Variants in PPP1R21 observed in about 807,000 individuals in gnomAD.
PPP1R21 encodes the protein protein phosphatase 1 regulatory subunit 21.
In PPP1R21, 85 loss-of-function variants were observed where a neutral mutation model predicts 112.8. The observed-to-expected ratio is 0.75, with a 90% CI of 0.63 to 0.90. PPP1R21 has a LOEUF of 0.90. Ranked by LOEUF, PPP1R21 falls within the 40% of genes least tolerant of loss-of-function variation. The pLI is 0.00. For synonymous variants in PPP1R21, 381 were observed against 322.3 expected, an observed-to-expected ratio of 1.18 and a Z score of -1.95; for missense variants, 1,199 against 901.5, an observed-to-expected ratio of 1.33 and a Z score of -4.23.
intron 12 of PPP1R21, among the ~76,000 whole-genome samples, chr2:48,476,031 T>C (rs1184870909): frequency 6.6e-6 from 1 of 152,182 alleles, no homozygotes; most frequent in Non-Finnish European, 1.5e-5. Context: ...GGAATGTGCA[T>C]TGTCACTACA....
At chr2:48,469,299 GTATATA>G (rs1383375942) in intron 9 of PPP1R21, among the ~76,000 whole-genome samples, 1 of 67,998 alleles carries the variant, frequency 1.5e-5, no homozygotes, top group African/African-American at 5.4e-5. Flanking sequence ...GTGTGTGTAT[GTATATA>G]TATACACACA....
chr2:48,479,061 C>T (rs1467485456), intron 12 of PPP1R21, among the ~76,000 whole-genome samples: 1 of 152,170 alleles, frequency 6.6e-6, no homozygotes, highest in Non-Finnish European at 1.5e-5. Context: ...GGTGGAACTC[C>T]TGTTGATGAG....
chr2:48,452,877 C>T (rs1202949422), intron 2 of PPP1R21, among the ~76,000 whole-genome samples: 1 of 151,860 alleles, frequency 6.6e-6, no homozygotes, highest in African/African-American at 2.4e-5. Flanking sequence ...TTGTTCTATC[C>T]CTCTAGCACT....
At chr2:48,445,794 CT>C (rs141690991) in intron 1 of PPP1R21, among the ~76,000 whole-genome samples, 2,599 of 152,290 alleles carry the variant, frequency 0.017, 66 homozygotes, top group African/African-American at 0.057. Context: ...CTAGCTACTG[CT>C]GCATAATATG....
At chr2:48,501,492 A>G (rs2103645154) in intron 17 of PPP1R21, among the ~76,000 whole-genome samples, 1 of 152,360 alleles carries the variant, frequency 6.6e-6, no homozygotes, top group East Asian at 1.9e-4. Context: ...GTACTGTCAT[A>G]ACTCCATTTC....
chr2:48,474,698 T>C lies in PPP1R21; in HGVS notation c.1104T>C (p.Cys368=). The part of the protein sequence containing the change: ...PYQLKSLEEE[C]ESSLCTSALR... ...CTATTCCTAGTTTAGAAGAAGAATG[T>C]GAATCCTCTCTTTGCACATCTGCGT... The change falls in exon 12 of 22, where the codon TGT becomes TGC. Residue 368 remains cysteine, a synonymous_variant. Coordinates refer to ENST00000294952, the MANE Select transcript of PPP1R21 (RefSeq NM_001135629.3). 6.2e-7 allele frequency: 1 copy of C among 1,607,394 alleles called. No individual in the cohort carries two copies. The highest frequency in any genetic ancestry group is 8.5e-7 in the Non-Finnish European group (1 of 1,177,346).
At chr2:48,486,601 T>A (rs757218768) in intron 13 of PPP1R21, 30 bp from the exon 14 acceptor site, 1 of 1,530,024 alleles carries the variant, frequency 6.5e-7, no homozygotes, top group Non-Finnish European at 9.0e-7. Flanking sequence ...ATATAGATAA[T>A]AATGAATTTT....
chr2:48,474,955 T>G, intron 12 of PPP1R21, 136 bp downstream of exon 12: 4 of 679,218 alleles, frequency 5.9e-6, no homozygotes, highest in Non-Finnish European at 9.8e-6. Context: ...TCAAATTCTC[T>G]AGCCCCTTAT....
chr2:48,492,226 A>G (rs1669598154), intron 15 of PPP1R21, among the ~76,000 whole-genome samples: 1 of 152,252 alleles, frequency 6.6e-6, no homozygotes, highest in African/African-American at 2.4e-5. Flanking sequence ...AACCATAATT[A>G]TCAGTTTGAT....
intron 7 of PPP1R21, 129 bp downstream of exon 7, chr2:48,461,361 TGTTCATTTGATCAGCC>T (rs1412015962): frequency 2.3e-6 from 3 of 1,303,282 alleles, no homozygotes; most frequent in Non-Finnish European, 3.0e-6. Context: ...GCTTTCTCTT[TGTTCATTTGATCAGCC>T]GTGGTAATCA....
intron 13 of PPP1R21, among the ~76,000 whole-genome samples, chr2:48,482,896 A>G (rs1310248887): frequency 6.6e-6 from 1 of 151,876 alleles, no homozygotes; most frequent in Non-Finnish European, 1.5e-5. Context: ...TAGTAAGCCC[A>G]GCATCCATTT....
At chr2:48,505,208 C>T (rs1438536188) in intron 17 of PPP1R21, among the ~76,000 whole-genome samples, 1 of 152,214 alleles carries the variant, frequency 6.6e-6, no homozygotes, top group Non-Finnish European at 1.5e-5. Flanking sequence ...GTAAAAACGT[C>T]TTTACCCCTT....
intron 2 of PPP1R21, among the ~76,000 whole-genome samples, chr2:48,452,032 C>T (rs1572830591): frequency 6.6e-6 from 1 of 152,328 alleles, no homozygotes; most frequent in East Asian, 1.9e-4. Flanking sequence ...CTTCCAGGCT[C>T]TCTGCACCCA....
rs1357574886 is a variant in PPP1R21 at position 48,470,527 on chromosome 2, A to T, written c.898-560A>T. Among the ~76,000 whole-genome samples the T allele has an allele frequency of 2.6e-5, 4 of 152,052 alleles. No individual in the cohort carries two copies. The East Asian group carries it at 7.7e-4, about 29-fold the overall frequency. The stretch of plus-strand genomic sequence containing the variant: ...AGAGTGAAACTCTGTCTCAAAAAAA[A>T]AAAAAAAAGGTTTCTGTATCCTCAT... On this transcript the variant is annotated intron_variant, in intron 9 of 21. Transcript: ENST00000294952.
rs770533976 is a variant in PPP1R21, at chr2:48,474,671, G to T, written c.1089-12G>T. The T allele has an allele frequency of 6.3e-7, 1 of 1,595,834 alleles. No homozygotes were observed. The highest frequency in any genetic ancestry group is 8.5e-7 in the Non-Finnish European group (1 of 1,172,438). On this transcript the variant is annotated splice_polypyrimidine_tract_variant and intron_variant, in intron 11 of 21. Coordinates refer to ENST00000294952, the MANE Select transcript of PPP1R21 (RefSeq NM_001135629.3). ...TGGGATGCTCACTTCTTAAAAATCTGCCTATTCCTAGTTTAGAAGAAGAAT... is the reference window on the plus strand; with the variant it reads ...TGGGATGCTCACTTCTTAAAAATCTTCCTATTCCTAGTTTAGAAGAAGAAT...
At chr2:48,468,865 A>G (rs150037335) in intron 9 of PPP1R21, among the ~76,000 whole-genome samples, 2,392 of 100,846 alleles carry the variant, frequency 0.024, 54 homozygotes, top group African/African-American at 0.075. Flanking sequence ...GTGTATGTAT[A>G]TATGTATGTG....
At chr2:48,471,414 C>G in intron 11 of PPP1R21, 47 bp downstream of exon 11, 1 of 1,533,664 alleles carries the variant, frequency 6.5e-7, no homozygotes. Context: ...GTGGGTGTAA[C>G]CTGATCTGGC....
Position 48,451,043 on chromosome 2 carries a change from T to C in PPP1R21, c.93T>C (p.Val31=). Residue 31 remains valine (V), a synonymous_variant, in exon 2 of 22, where the codon GTT becomes GTC. Coordinates refer to ENST00000294952, the MANE Select transcript of PPP1R21 (RefSeq NM_001135629.3). Reference sequence around the variant, plus strand: ...AGAATCAGGTTCTGAAAAAAGGTGTTGTGGATGAACAAGCAAATTCTGCAG... The same window carrying C: ...AGAATCAGGTTCTGAAAAAAGGTGTCGTGGATGAACAAGCAAATTCTGCAG... The part of the protein sequence containing the change: ...RAQNQVLKKG[V]VDEQANSAAL... 2 of 1,613,856 alleles carry C rather than the reference T, an allele frequency of 1.2e-6. No homozygotes were observed. Among genetic ancestry groups the C allele is most frequent in the Non-Finnish European group, 1.7e-6 (2 of 1,179,776 alleles).
chr2:48,452,555 TA>T lies in PPP1R21; in HGVS notation c.126+1480del, dbSNP rs972613194. On this transcript the variant is annotated intron_variant, in intron 2 of 21. Transcript: ENST00000294952. ...AATATAAATTATGAGAAAAATAAAT[TA>T]TTTTTTTTTTTACTGTTTATTACAG... 1.8e-3 allele frequency among the ~76,000 whole-genome samples: 273 copies of T among 150,870 alleles called. 2 individuals are homozygous for T. Among genetic ancestry groups the T allele is most frequent in the Admixed American group, 5.3e-3 (80 of 15,128 alleles).
Sources: allele counts gnomAD v4.1 joint callset (sites outside exome capture counted in the v4.1 genomes callset), GRCh38; gene constraint gnomAD v4.1.1; transcripts MANE v1.5; gene names NCBI Gene and HGNC (gene_info 2026-07-23, HGNC 2026-07-21).